Variants in SATB2 observed in about 807,000 individuals in gnomAD.
SATB2 encodes DNA-binding protein SATB2.
In SATB2, 1 loss-of-function variant was observed where a neutral mutation model predicts 73.4. That is an observed-to-expected ratio of 0.01 (90% CI 0.00 to 0.06). The LOEUF is 0.06. Among genes scored for constraint, SATB2 ranks in the 10% least tolerant of loss-of-function variants. SATB2 has a pLI of 1.00. For synonymous variants in SATB2, 397 were observed against 367.0 expected (o/e 1.08, Z -0.93); for missense variants, 459 against 945.8 (o/e 0.49, Z 6.75).
At chr2:199,332,073 T>C (rs1487090717) in intron 7 of SATB2, among the ~76,000 whole-genome samples, 1 of 152,092 alleles carries the variant, frequency 6.6e-6, no homozygotes, top group African/African-American at 2.4e-5. Flanking sequence ...AGGTCATGAA[T>C]ATTGAGAATG....
At chr2:199,297,525 T>C (rs1687145775) in intron 10 of SATB2, among the ~76,000 whole-genome samples, 2 of 152,178 alleles carry the variant, frequency 1.3e-5, no homozygotes, top group African/African-American at 2.4e-5. Context: ...TCACTTCATA[T>C]CCTAATTCAT....
intron 5 of SATB2, among the ~76,000 whole-genome samples, chr2:199,372,344 T>C (rs1689474194): frequency 6.6e-6 from 1 of 152,216 alleles, no homozygotes. Context: ...GACTTGAATT[T>C]GCTCTAAGCC....
rs1691184022 is a variant in SATB2 at position 199,421,942 on chromosome 2, T to C, written c.346+11396A>G. Among the ~76,000 whole-genome samples, 3 of 152,236 alleles carry C rather than the reference T, an allele frequency of 2.0e-5. No homozygotes were observed. In the South Asian group the frequency reaches 6.2e-4, roughly 31 times the overall value. Reference sequence around the variant, plus strand: ...ACATAAATGTTGACGTAAATTACTCTGATTGCCCAGCATGTGCTGGGTATA... The same window carrying C: ...ACATAAATGTTGACGTAAATTACTCCGATTGCCCAGCATGTGCTGGGTATA... On this transcript the variant is annotated intron_variant, in intron 3 of 10. Transcript: ENST00000417098.
intron 7 of SATB2, among the ~76,000 whole-genome samples, chr2:199,342,637 A>G (rs1341271739): frequency 3.3e-5 from 5 of 152,084 alleles, no homozygotes; most frequent in Non-Finnish European, 7.4e-5. Context: ...CAAGTGACTC[A>G]ATTTTATGTT....
intron 9 of SATB2, among the ~76,000 whole-genome samples, chr2:199,320,984 T>C (rs1488123533): frequency 1.3e-5 from 2 of 152,128 alleles, no homozygotes. Context: ...ACAAGACTAC[T>C]TAATTGTTTC....
At chr2:199,367,388 C>T (rs1450938498) in intron 6 of SATB2, among the ~76,000 whole-genome samples, 1 of 152,102 alleles carries the variant, frequency 6.6e-6, no homozygotes, top group African/African-American at 2.4e-5. Flanking sequence ...AATATTTTGG[C>T]TTGCCTTATA....
chr2:199,330,639 C>T (rs1445610302), intron 7 of SATB2, among the ~76,000 whole-genome samples: 1 of 152,108 alleles, frequency 6.6e-6, no homozygotes, highest in Non-Finnish European at 1.5e-5. Flanking sequence ...ATCTAAGTAT[C>T]GACTCTCTGA....
At chr2:199,301,313 T>C (rs1186390387) in intron 10 of SATB2, among the ~76,000 whole-genome samples, 2 of 152,062 alleles carry the variant, frequency 1.3e-5, no homozygotes, top group Non-Finnish European at 2.9e-5. Flanking sequence ...TAATGAAAGG[T>C]TTGTTCTAGA....
chr2:199,282,963 C>T (rs1034295746), intron 10 of SATB2, among the ~76,000 whole-genome samples: 7 of 152,196 alleles, frequency 4.6e-5, no homozygotes, highest in Non-Finnish European at 7.3e-5. Context: ...TACAGCCTGA[C>T]ATCCTCTTAG....
chr2:199,440,431 T>G lies in SATB2; in HGVS notation c.170-6917A>C, dbSNP rs1314702947. On this transcript the variant is annotated intron_variant, in intron 2 of 10. Transcript: ENST00000417098. ...GAATGGTTTAGTGTTCTCCTTAATC[T>G]CCTCAGCTAGGTCTTCACAGTATAA... Among the ~76,000 whole-genome samples the G allele has an allele frequency of 2.0e-5, 3 of 152,222 alleles. No individual in the cohort carries two copies. The East Asian group carries it at 5.8e-4, about 29-fold the overall frequency.
intron 2 of SATB2, among the ~76,000 whole-genome samples, chr2:199,440,389 T>C (rs933904508): frequency 4.6e-5 from 7 of 152,216 alleles, no homozygotes; most frequent in African/African-American, 1.7e-4. Flanking sequence ...GATAAAAAGA[T>C]GCTTGCTACA....
At chr2:199,465,838 G>A (rs528943567), upstream of SATB2, among the ~76,000 whole-genome samples, 7 of 152,318 alleles carry the variant, frequency 4.6e-5, no homozygotes, top group East Asian at 1.3e-3. Context: ...CTAACGAAAT[G>A]AAGAGTATTT....
chr2:199,466,097 G>A (rs184201900), upstream of SATB2, among the ~76,000 whole-genome samples: 47 of 152,266 alleles, frequency 3.1e-4, 1 homozygote, highest in African/African-American at 1.1e-3. Context: ...GTCTGCTGAG[G>A]GCTGCCCCTG....
intron 7 of SATB2, among the ~76,000 whole-genome samples, chr2:199,344,680 G>A (rs1019282757): frequency 5.3e-5 from 8 of 152,252 alleles, no homozygotes; most frequent in East Asian, 1.9e-4. Flanking sequence ...GCTGAAGACC[G>A]TTACCAAACC....
intron 10 of SATB2, among the ~76,000 whole-genome samples, chr2:199,277,660 G>A (rs1692358432): frequency 6.6e-6 from 1 of 152,030 alleles, no homozygotes; most frequent in Admixed American, 6.6e-5. Flanking sequence ...AGTATGACAG[G>A]CAAGGTTCAC....
chr2:199,361,891 G>A (rs986837837), intron 6 of SATB2, among the ~76,000 whole-genome samples: 3 of 151,786 alleles, frequency 2.0e-5, no homozygotes, highest in African/African-American at 7.3e-5. Flanking sequence ...CCAAGTAGCT[G>A]GGATTACAGC....
At chr2:199,451,405 A>G (rs13422914) in intron 2 of SATB2, among the ~76,000 whole-genome samples, 5,980 of 150,966 alleles carry the variant, frequency 0.04, 409 homozygotes, top group African/African-American at 0.14. Context: ...TTGTTGGATG[A>G]CCCCAAAGCC....
At chr2:199,318,221 G>A (rs769319366) in intron 9 of SATB2, among the ~76,000 whole-genome samples, 3 of 151,946 alleles carry the variant, frequency 2.0e-5, no homozygotes, top group Non-Finnish European at 2.9e-5. Flanking sequence ...CTTTATACCA[G>A]AGAGCTCAGG....
At chr2:199,400,340 A>C (rs1178869534) in intron 3 of SATB2, among the ~76,000 whole-genome samples, 4 of 152,226 alleles carry the variant, frequency 2.6e-5, no homozygotes, top group Non-Finnish European at 5.9e-5. Flanking sequence ...CCTAGAATTT[A>C]AAGACTCCAA....
Sources: allele counts gnomAD v4.1 joint callset (sites outside exome capture counted in the v4.1 genomes callset), GRCh38; gene constraint gnomAD v4.1.1; transcripts MANE v1.5; gene names NCBI Gene and HGNC (gene_info 2026-07-23, HGNC 2026-07-21).